Variants in FKRP observed in about 807,000 individuals in gnomAD.
FKRP encodes the protein fukutin related protein, also known as ribitol 5-phosphate transferase FKRP.
Under a neutral mutation model 30.6 loss-of-function variants are expected in FKRP, and 25 were observed. That is an observed-to-expected ratio of 0.82 (90% CI 0.60 to 1.14). The LOEUF (loss-of-function observed/expected upper bound fraction) is 1.14. Among genes scored for constraint, FKRP ranks in the 50% most tolerant of loss-of-function variants. The pLI is 0.00. For synonymous variants in FKRP, 358 were observed against 342.5 expected, an observed-to-expected ratio of 1.05 and a Z score of -0.50; for missense variants, 771 against 727.8, an observed-to-expected ratio of 1.06 and a Z score of -0.68.
Position 46,751,681 on chromosome 19 carries a change from T to G in FKRP, c.-40+3016T>G, listed in dbSNP as rs373023573. On this transcript the variant is annotated intron_variant, in intron 3 of 3. Transcript: ENST00000318584. The stretch of plus-strand genomic sequence containing the variant: ...CCCGGGTTCACGCCATTCTCCTGCC[T>G]CAGCCTCCCGAGTAGCTGGGACTAC... 1.3e-4 allele frequency among the ~76,000 whole-genome samples: 19 copies of G among 150,598 alleles called. No individual in the cohort carries two copies. The East Asian group carries it at 3.4e-3, about 27-fold the overall frequency.
chr19:46,746,268 C>G (rs1037162430), intron 1 of FKRP, 178 bp downstream of exon 1: 2 of 1,472,496 alleles, frequency 1.4e-6, no homozygotes, highest in South Asian at 2.5e-5. Context: ...GCCGTGGGCC[C>G]GGGGCTGCCT....
At chr19:46,746,423 T>C in intron 1 of FKRP, 1 of 1,026,480 alleles carries the variant, frequency 9.7e-7, no homozygotes, top group East Asian at 9.2e-5. Flanking sequence ...CGCTCGCTCC[T>C]CCATCATGGA....
intron 1 of FKRP, chr19:46,746,465 C>T (rs2054627034): frequency 1.6e-5 from 16 of 983,586 alleles, no homozygotes; most frequent in Non-Finnish European, 1.8e-5. Context: ...GCCCGCTGTG[C>T]CTCGCGCGCC....
In FKRP at chr19:46,755,861, A is replaced by C. The variant is rs2122614859; in HGVS notation, c.411A>C (p.Ala137=). ...TACCTGATGGGGCGCGGGCTGAGGC[A>C]CCTGGCCTGCTGGAGCGCATGGTGG... ...ALVPDGARAE[A]PGLLERMVEA... The change falls in exon 4 of 4, where the codon GCA becomes GCC. Residue 137 remains alanine, a synonymous_variant. Coordinates refer to ENST00000318584, the MANE Select transcript of FKRP (RefSeq NM_024301.5). 1 of 1,490,422 alleles carries C rather than the reference A, an allele frequency of 6.7e-7. No individual in the cohort carries two copies. The highest frequency in any genetic ancestry group is 2.5e-5 in the East Asian group (1 of 40,196). The allele number at this position is 1,490,422 out of a possible 1,614,324, so 92.3% of individuals were successfully genotyped here.
At chr19:46,746,163 G>A (rs865996066) in intron 1 of FKRP, 73 bp downstream of exon 1, 4 of 1,528,530 alleles carry the variant, frequency 2.6e-6, no homozygotes, top group Admixed American at 1.9e-5. Flanking sequence ...AACTCGGCGC[G>A]CTCGGCCTCC....
Position 46,755,660 on chromosome 19 carries a change from C to T in FKRP, c.210C>T (p.Phe70=), listed in dbSNP as rs569336346. 14 of 1,596,548 alleles carry T rather than the reference C, an allele frequency of 8.8e-6. No homozygotes were observed. In the Admixed American group the frequency reaches 2.2e-4, roughly 25 times the overall value. The change falls in exon 4 of 4, where the codon TTC becomes TTT. Residue 70 remains phenylalanine (F), a synonymous_variant. Transcript: ENST00000318584. ...DNAVPELVDS[F]LQQDPAQPVV... ...CGGTGCCCGAGCTGGTAGACTCCTT[C>T]CTGCAGCAAGACCCAGCCCAGCCCG...
chr19:46,747,872 C>G (rs2054694823), intron 1 of FKRP, 155 bp from the exon 2 acceptor site: 1 of 152,324 alleles, frequency 6.6e-6, no homozygotes, highest in African/African-American at 2.4e-5. Flanking sequence ...CACCCCACCC[C>G]ACTCCTGAGA....
chr19:46,746,051 G>C, upstream of FKRP: 215 of 904,548 alleles, frequency 2.4e-4, no homozygotes, highest in Non-Finnish European at 2.5e-4. Flanking sequence ...CGGCCGTCCC[G>C]GCGGCCATTG....
In FKRP at chr19:46,755,653, A is replaced by T; in HGVS notation, c.203A>T (p.Asp68Val). Residue 68 changes from aspartate to valine, a missense_variant, in exon 4 of 4, where the codon GAC (aspartate) becomes GTC (valine). Physicochemically the swap from Asp to Val is radical, Grantham distance 152 (BLOSUM62 -3). Transcript: ENST00000318584. Reference protein sequence around the residue: ...AFDNAVPELVDSFLQQDPAQP... With the variant: ...AFDNAVPELVVSFLQQDPAQP... Reference sequence around the variant, plus strand: ...GACAACGCGGTGCCCGAGCTGGTAGACTCCTTCCTGCAGCAAGACCCAGCC... The same window carrying T: ...GACAACGCGGTGCCCGAGCTGGTAGTCTCCTTCCTGCAGCAAGACCCAGCC... The T allele has an allele frequency of 6.3e-7, 1 of 1,596,300 alleles. No homozygotes were observed. Among genetic ancestry groups the T allele is most frequent in the Non-Finnish European group, 8.5e-7 (1 of 1,177,256 alleles).
chr19:46,746,447 G>C (rs1599911420), intron 1 of FKRP: 1 of 1,003,452 alleles, frequency 1.0e-6, no homozygotes, highest in Non-Finnish European at 1.2e-6. Flanking sequence ...CCCGGGGCCG[G>C]CCTGCGCGCC....
intron 3 of FKRP, among the ~76,000 whole-genome samples, chr19:46,750,484 G>C (rs548173542): frequency 1.1e-4 from 16 of 152,276 alleles, no homozygotes; most frequent in Admixed American, 2.6e-4. Context: ...CGGAGACCTC[G>C]GTTCTCGACC....
Position 46,746,105 on chromosome 19 carries a change from G to A in FKRP, c.-253+15G>A, listed in dbSNP as rs2054594224. 2 of 1,441,716 alleles carry A rather than the reference G, an allele frequency of 1.4e-6. No homozygotes were observed. Among genetic ancestry groups the A allele is most frequent in the African/African-American group, 1.5e-5 (1 of 66,970 alleles). The allele number at this position is 1,441,716 out of a possible 1,614,324, so 89.3% of individuals were successfully genotyped here. A position where few individuals can be genotyped will look rare whatever the true frequency, so the allele number is the denominator to read the frequency against. Reference sequence around the variant, plus strand: ...GGCGGCAGCGGGTGAGGCCGGGCCGGGCCGGGCCGGGTTGGGGGTCGGGGG... The same window carrying A: ...GGCGGCAGCGGGTGAGGCCGGGCCGAGCCGGGCCGGGTTGGGGGTCGGGGG... On this transcript the variant is annotated intron_variant, in intron 1 of 3. Transcript: ENST00000318584.
Position 46,756,770 on chromosome 19 carries a change from GT to G in FKRP, c.1323del (p.Glu443SerfsTer47). 6.2e-7 allele frequency: 1 copy of G among 1,604,430 alleles called. No homozygotes were observed. Among genetic ancestry groups the G allele is most frequent in the Non-Finnish European group, 8.5e-7 (1 of 1,175,992 alleles). On this transcript the variant is annotated frameshift_variant, in exon 4 of 4. Coordinates refer to ENST00000318584, the MANE Select transcript of FKRP (RefSeq NM_024301.5). LOFTEE classifies it high-confidence loss of function. The surrounding 1 kb of genome is among the most constrained non-coding windows in gnomAD (Gnocchi z 6.6). ...GGCTGGACCACCGGCAGGATGTGGAGTTTCCCGAGCACTTCCTGCAGCCGCT... is the reference window on the plus strand; with the variant it reads ...GGCTGGACCACCGGCAGGATGTGGAGTTCCCGAGCACTTCCTGCAGCCGCT... ...TWLDHRQDVE[F>X]PEHFLQPLVP...
Position 46,755,667 on chromosome 19 carries a change from C to T in FKRP, c.217C>T (p.Gln73Ter). 16 of 1,594,740 alleles carry T rather than the reference C, an allele frequency of 1.0e-5. No homozygotes were observed. Among genetic ancestry groups the T allele is most frequent in the Non-Finnish European group, 1.4e-5 (16 of 1,176,780 alleles). Residue 73 changes from glutamine (Q) to a stop codon, truncating the protein, a stop_gained, in exon 4 of 4, where the codon CAA becomes TAA. Transcript: ENST00000318584. LOFTEE classifies it high-confidence loss of function. ...CGAGCTGGTAGACTCCTTCCTGCAG[C>T]AAGACCCAGCCCAGCCCGTGGTGGT... The part of the protein sequence containing the change: ...VPELVDSFLQ[Q>*]DPAQPVVVAA...
At position 46,755,876 on chromosome 19, in the gene FKRP, G is replaced by A; in HGVS notation, c.426G>A (p.Glu142=). 3 of 1,494,048 alleles carry A rather than the reference G, an allele frequency of 2.0e-6. No homozygotes were observed. The highest frequency in any genetic ancestry group is 2.7e-6 in the Non-Finnish European group (3 of 1,125,020). The allele number at this position is 1,494,048 out of a possible 1,614,324, so 92.5% of individuals were successfully genotyped here. The change falls in exon 4 of 4, where the codon GAG becomes GAA. Residue 142 remains glutamate, a synonymous_variant. Transcript: ENST00000318584. Reference sequence around the variant, plus strand: ...GGGCTGAGGCACCTGGCCTGCTGGAGCGCATGGTGGAGGCGCTCCGCGCAG... The same window carrying A: ...GGGCTGAGGCACCTGGCCTGCTGGAACGCATGGTGGAGGCGCTCCGCGCAG... The part of the protein sequence containing the change: ...GARAEAPGLL[E]RMVEALRAGS...
chr19:46,757,039 G>T lies in FKRP; in HGVS notation c.*101G>T. Reference sequence around the variant, plus strand: ...GGAGGGATGTCGCGGAGAGGGGAAGGGGGAAACTGACCAAGAAAGAAATTC... The same window carrying T: ...GGAGGGATGTCGCGGAGAGGGGAAGTGGGAAACTGACCAAGAAAGAAATTC... On this transcript the variant is annotated 3_prime_UTR_variant, in exon 4 of 4. Coordinates refer to ENST00000318584, the MANE Select transcript of FKRP (RefSeq NM_024301.5). 1 of 1,468,214 alleles carries T rather than the reference G, an allele frequency of 6.8e-7. No individual in the cohort carries two copies. Among genetic ancestry groups the T allele is most frequent in the East Asian group, 2.4e-5 (1 of 42,086 alleles). 90.9% of individuals were successfully genotyped at this position (1,468,214 alleles called of 1,614,324 possible). A position where few individuals can be genotyped will look rare whatever the true frequency, so the allele number is the denominator to read the frequency against.
At chr19:46,747,357 C>A (rs893692319) in intron 1 of FKRP, 1 of 151,742 alleles carries the variant, frequency 6.6e-6, no homozygotes, top group African/African-American at 2.4e-5. Flanking sequence ...CTTCGAGTGA[C>A]CCTAGGAACC....
In FKRP at chr19:46,757,609, C is replaced by T; in HGVS notation, c.*671C>T. 5.9e-6 allele frequency: 1 copy of T among 170,036 alleles called. No individual in the cohort carries two copies. The allele number at this position is 170,036 out of a possible 1,614,324, so 10.5% of individuals were successfully genotyped here. On this transcript the variant is annotated 3_prime_UTR_variant, in exon 4 of 4. Transcript: ENST00000318584. ...CTTCTCTCCAAGCCCCTGTGGGAGG[C>T]GGACAGCAGTGACCACCTCCCCTTC...
chr19:46,754,129 C>T (rs1369538383), intron 3 of FKRP: 4 of 152,132 alleles, frequency 2.6e-5, no homozygotes, highest in East Asian at 1.9e-4. Context: ...GATCATGGCT[C>T]ACTGGCTCAA....
Sources: allele counts gnomAD v4.1 joint callset (sites outside exome capture counted in the v4.1 genomes callset), GRCh38; gene constraint gnomAD v4.1.1; non-coding constraint Gnocchi (gnomAD v3.1); transcripts MANE v1.5; gene names NCBI Gene and HGNC (gene_info 2026-07-23, HGNC 2026-07-21).